The following MACROH2A2 variants were observed in gnomAD, a reference collection of about 807,000 sequenced individuals.
MACROH2A2 encodes core histone macro-H2A.2.
In MACROH2A2, 6 loss-of-function variants were observed where a neutral mutation model predicts 37.6. The ratio of observed to expected loss-of-function variants is 0.16; its 90% confidence interval spans 0.09 to 0.32. The LOEUF is 0.32. MACROH2A2 is among the 10% of genes least tolerant of loss of function. MACROH2A2 has a pLI of 1.00. For missense variants in MACROH2A2, 290 were observed against 485.9 expected, an observed-to-expected ratio of 0.60 and a Z score of 3.79; for synonymous variants, 192 against 202.7, an observed-to-expected ratio of 0.95 and a Z score of 0.45.
intron 1 of MACROH2A2, among the ~76,000 whole-genome samples, chr10:70,062,317 G>A (rs1398969770): frequency 6.6e-6 from 1 of 151,872 alleles, no homozygotes; most frequent in African/African-American, 2.4e-5. Flanking sequence ...CATAATATTT[G>A]CAATATAAAA....
At chr10:70,089,129 C>CT (rs2072228546) in intron 2 of MACROH2A2, among the ~76,000 whole-genome samples, 1 of 152,108 alleles carries the variant, frequency 6.6e-6, no homozygotes, top group South Asian at 2.1e-4. Flanking sequence ...AAAAGACAGT[C>CT]TAAGAGAAGT....
chr10:70,053,846 T>C lies in MACROH2A2; in HGVS notation c.-60+846T>C, dbSNP rs1170201972. ...GGAAAAAATAATAATAATAAAAATA[T>C]CGAAAAAGGGAATAAAAGTAAACTG... is the stretch of plus-strand genomic sequence containing the variant. On this transcript the variant is annotated intron_variant, in intron 1 of 8. Coordinates refer to ENST00000373255, the MANE Select transcript of MACROH2A2 (RefSeq NM_018649.3). The surrounding 1 kb of genome is among the most constrained non-coding windows in gnomAD (Gnocchi z 4.8). Among the ~76,000 whole-genome samples, 3 of 151,888 alleles carry C rather than the reference T, an allele frequency of 2.0e-5. No individual in the cohort carries two copies. Among genetic ancestry groups the C allele is most frequent in the South Asian group, 4.2e-4 (2 of 4,816 alleles).
chr10:70,069,478 T>C (rs1175130148), intron 1 of MACROH2A2, among the ~76,000 whole-genome samples: 1 of 152,170 alleles, frequency 6.6e-6, no homozygotes, highest in Admixed American at 6.5e-5. Context: ...TCAGGGTTTG[T>C]CTGGTTTCCT....
intron 1 of MACROH2A2, among the ~76,000 whole-genome samples, chr10:70,073,697 C>T (rs1227069327): frequency 1.3e-5 from 2 of 152,276 alleles, no homozygotes; most frequent in Middle Eastern, 3.4e-3. Context: ...TTAATATAGT[C>T]TCCTTGGTCG....
At chr10:70,092,112 A>G (rs56259361) in intron 4 of MACROH2A2, among the ~76,000 whole-genome samples, 158 bp downstream of exon 4, 23,506 of 152,222 alleles carry the variant, frequency 0.15, 1,932 homozygotes, top group East Asian at 0.23. Flanking sequence ...GCGAGTCCTC[A>G]CGAATGGGAA....
chr10:70,082,096 C>T (rs891717908), intron 2 of MACROH2A2, among the ~76,000 whole-genome samples: 2 of 152,208 alleles, frequency 1.3e-5, no homozygotes, highest in African/African-American at 4.8e-5. Flanking sequence ...CAAGCAATTC[C>T]ACTCCTAGCC....
intron 2 of MACROH2A2, among the ~76,000 whole-genome samples, chr10:70,084,058 G>T (rs1055058982): frequency 6.6e-6 from 1 of 152,022 alleles, no homozygotes; most frequent in Non-Finnish European, 1.5e-5. Context: ...CAACTGACCA[G>T]AACAAGTAGG....
At chr10:70,099,095 AAC>A (rs1271247114) in intron 6 of MACROH2A2, 1 of 152,186 alleles carries the variant, frequency 6.6e-6, no homozygotes, top group Non-Finnish European at 1.5e-5. Context: ...CCAATAGATC[AAC>A]AGTGTCCAGG....
In MACROH2A2 at chr10:70,103,584, G is replaced by A. The variant is rs551827285; in HGVS notation, c.778+3287G>A. Among the ~76,000 whole-genome samples, 94 of 152,268 alleles carry A rather than the reference G, an allele frequency of 6.2e-4. 2 individuals are homozygous for A. The South Asian group carries it at 0.018, about 29-fold the overall frequency. On this transcript the variant is annotated intron_variant, in intron 7 of 8. Coordinates refer to ENST00000373255, the MANE Select transcript of MACROH2A2 (RefSeq NM_018649.3). The stretch of plus-strand genomic sequence containing the variant: ...CATTATTTAAGGAGATCGTAGCTGA[G>A]AATTTTCTAGGATGAAGCATGAGCC...
chr10:70,111,290 T>A (rs1195320602), intron 8 of MACROH2A2, among the ~76,000 whole-genome samples: 2 of 152,016 alleles, frequency 1.3e-5, no homozygotes, highest in African/African-American at 2.4e-5. Context: ...ATTAATTTAA[T>A]CAAATTAAAT....
rs569307297 is a variant in MACROH2A2 at position 70,073,976 on chromosome 10, C to T, written c.-59-1624C>T. ...CTCCAGAGGAAACGGCCCCTGAGAA[C>T]GCCATTGACCTTGGGGAAGAGAGCT... On this transcript the variant is annotated intron_variant, in intron 1 of 8. Transcript: ENST00000373255. Among the ~76,000 whole-genome samples the T allele has an allele frequency of 3.6e-4, 55 of 152,330 alleles. 1 individual carries two copies. Among genetic ancestry groups the T allele is most frequent in the South Asian group, 2.1e-3 (10 of 4,830 alleles).
intron 2 of MACROH2A2, among the ~76,000 whole-genome samples, chr10:70,087,087 C>T (rs12241014): frequency 7.8e-4 from 119 of 152,078 alleles, no homozygotes; most frequent in African/African-American, 2.7e-3. Context: ...GCTACTGAGG[C>T]GGCTGATGGG....
intron 2 of MACROH2A2, among the ~76,000 whole-genome samples, chr10:70,087,225 TTTTC>T (rs886499211): frequency 6.7e-6 from 1 of 149,692 alleles, no homozygotes; most frequent in Non-Finnish European, 1.5e-5. Context: ...TTCCATTTTC[TTTTC>T]TTTCTTCTTT....
chr10:70,082,191 G>A (rs953092959), intron 2 of MACROH2A2, among the ~76,000 whole-genome samples: 12 of 152,132 alleles, frequency 7.9e-5, no homozygotes, highest in Non-Finnish European at 1.5e-4. Context: ...AGGCCGAGGC[G>A]GGCGGATCAC....
chr10:70,081,268 A>G (rs948982205), intron 2 of MACROH2A2, among the ~76,000 whole-genome samples: 1 of 152,150 alleles, frequency 6.6e-6, no homozygotes, highest in Non-Finnish European at 1.5e-5. Context: ...CGCTCGGCAC[A>G]CATGAGCAAC....
At chr10:70,087,875 T>G (rs2072220661) in intron 2 of MACROH2A2, among the ~76,000 whole-genome samples, 1 of 152,244 alleles carries the variant, frequency 6.6e-6, no homozygotes, top group Non-Finnish European at 1.5e-5. Flanking sequence ...CCTATGAATA[T>G]TTAACTGTAA....
intron 1 of MACROH2A2, among the ~76,000 whole-genome samples, chr10:70,074,178 G>A (rs893087553): frequency 6.6e-6 from 1 of 152,126 alleles, no homozygotes; most frequent in African/African-American, 2.4e-5. Context: ...CTAGATTGTG[G>A]GTGGGCTTAC....
At chr10:70,092,817 C>T (rs1278414774) in intron 4 of MACROH2A2, among the ~76,000 whole-genome samples, 2 of 152,150 alleles carry the variant, frequency 1.3e-5, no homozygotes, top group South Asian at 2.1e-4. Flanking sequence ...TGTTGCCTTC[C>T]AAACAGCCTC....
intron 6 of MACROH2A2, among the ~76,000 whole-genome samples, chr10:70,097,023 A>C (rs890261283): frequency 5.9e-5 from 9 of 152,208 alleles, no homozygotes; most frequent in African/African-American, 2.2e-4. Context: ...ATAGTAATGA[A>C]ATTTTTATGT....
Sources: gnomAD v4.1 joint callset for allele counts (sites outside exome capture counted in the v4.1 genomes callset) on GRCh38, gnomAD v4.1.1 for gene constraint, Gnocchi (gnomAD v3.1) non-coding constraint, MANE v1.5 for transcripts, NCBI Gene and HGNC (gene_info 2026-07-23, HGNC 2026-07-21) for gene names.